Variants in ERN1 observed in about 807,000 individuals in gnomAD.
The protein encoded by ERN1 is endoplasmic reticulum to nucleus signaling 1, also known as serine/threonine-protein kinase/endoribonuclease IRE1.
In ERN1, 39 loss-of-function variants were observed where a neutral mutation model predicts 113.1. The ratio of observed to expected loss-of-function variants is 0.34; its 90% CI spans 0.27 to 0.45. The LOEUF is 0.45. Ranked by LOEUF, ERN1 falls within the 20% of genes least tolerant of loss-of-function variation. The pLI is 1.00. For missense variants in ERN1, 976 were observed against 1,274.8 expected, an observed-to-expected ratio of 0.77 and a Z score of 3.57; for synonymous variants, 507 against 515.9, an observed-to-expected ratio of 0.98 and a Z score of 0.23.
At position 64,066,924 on chromosome 17, in the gene ERN1, G is replaced by A; in HGVS notation, c.589C>T (p.His197Tyr). ...AGCCCATCACCATTGGACACAAAGT[G>A]GGACATCTCTGTACAGATCAAATAA... ...PEDDVDYKMS[H>Y]FVSNGDGLVV... Residue 197 changes from histidine to tyrosine, a missense_variant, in exon 8 of 22, where the codon CAC (histidine) becomes TAC (tyrosine). By Grantham distance (83) the His-to-Tyr change is moderately conservative. Transcript: ENST00000433197. 6.2e-7 allele frequency: 1 copy of A among 1,613,760 alleles called. No homozygotes were observed. Among genetic ancestry groups the A allele is most frequent in the Non-Finnish European group, 8.5e-7 (1 of 1,179,832 alleles).
At chr17:64,083,024 G>A (rs1042215439) in intron 2 of ERN1, among the ~76,000 whole-genome samples, 2 of 152,138 alleles carry the variant, frequency 1.3e-5, no homozygotes, top group African/African-American at 4.8e-5. Context: ...ACACACTGCT[G>A]CTTGGCTTCT....
At chr17:64,095,135 T>G (rs906817432) in intron 2 of ERN1, among the ~76,000 whole-genome samples, 1 of 152,208 alleles carries the variant, frequency 6.6e-6, no homozygotes, top group Admixed American at 6.5e-5. Context: ...CAGATCATCA[T>G]GAATACTACT....
intron 1 of ERN1, among the ~76,000 whole-genome samples, chr17:64,123,482 C>G (rs1487419411): frequency 6.6e-6 from 1 of 152,168 alleles, no homozygotes; most frequent in East Asian, 1.9e-4. Flanking sequence ...CTATTTTCAT[C>G]CAACTTTTAA....
At chr17:64,079,531 C>A (rs1913701229) in intron 4 of ERN1, 131 bp downstream of exon 4, 1 of 661,478 alleles carries the variant, frequency 1.5e-6, no homozygotes, top group East Asian at 2.7e-5. Flanking sequence ...CTCTAGACCA[C>A]CTGAATCAGA....
chr17:64,053,064 C>T, intron 16 of ERN1, 85 bp from the exon 17 acceptor site: 3 of 1,148,524 alleles, frequency 2.6e-6, no homozygotes, highest in Non-Finnish European at 3.7e-6. Flanking sequence ...TCGTCAGACT[C>T]CCAATATGCC....
rs546366953 is a variant in ERN1, at chr17:64,055,764, G to A, written c.1583C>T (p.Thr528Met). ...SESSGTSSPS[T>M]SPRASNHSLC... ...CGAGTGGTTGGAGGCCCTGGGGGAC[G>A]TGCTGGGGCTGCTGGTGCCCGAGCT... The change falls in exon 13 of 22, where the codon ACG becomes ATG. Residue 528 changes from threonine to methionine, a missense_variant. This residue lies in a region of ERN1 where 112 missense variants were observed against 106.2 expected (regional missense o/e 1.05). Transcript: ENST00000433197. 350 of 1,609,358 alleles carry A rather than the reference G, an allele frequency of 2.2e-4. 1 individual carries two copies. The highest frequency in any genetic ancestry group is 2.0e-3 in the Middle Eastern group (12 of 6,042).
chr17:64,098,572 T>A (rs765146345), intron 1 of ERN1: 4 of 560,824 alleles, frequency 7.1e-6, no homozygotes, highest in Non-Finnish European at 1.4e-5. Context: ...GCCTATTCTA[T>A]TCTCTAAAAC....
At chr17:64,105,293 A>G (rs1914494442) in intron 1 of ERN1, among the ~76,000 whole-genome samples, 1 of 151,874 alleles carries the variant, frequency 6.6e-6, no homozygotes, top group Admixed American at 6.6e-5. Context: ...TTTTTTGTAG[A>G]GTCGGGAGTT....
intron 2 of ERN1, among the ~76,000 whole-genome samples, chr17:64,083,135 C>T (rs927779162): frequency 6.6e-6 from 1 of 151,260 alleles, no homozygotes; most frequent in African/African-American, 2.4e-5. Flanking sequence ...ATACGGGGGG[C>T]GGGGAGGACA....
chr17:64,098,073 A>T (rs570755776), intron 2 of ERN1, 48 bp downstream of exon 2: 41 of 1,606,526 alleles, frequency 2.6e-5, no homozygotes, highest in Middle Eastern at 3.3e-4. Context: ...TTTCTGTGGA[A>T]CCAGTTAAGC....
At chr17:64,120,304 A>T (rs1486734980) in intron 1 of ERN1, among the ~76,000 whole-genome samples, 1 of 152,102 alleles carries the variant, frequency 6.6e-6, no homozygotes, top group Non-Finnish European at 1.5e-5. Context: ...GAGAAGAGAG[A>T]TCTGATTTAC....
At chr17:64,098,034 A>G (rs1281881030) in intron 2 of ERN1, 87 bp downstream of exon 2, 1 of 1,473,974 alleles carries the variant, frequency 6.8e-7, no homozygotes, top group Non-Finnish European at 9.4e-7. Flanking sequence ...TTAGATAATG[A>G]GTAATGTTTT....
chr17:64,085,643 C>T (rs1025842808), intron 2 of ERN1, among the ~76,000 whole-genome samples: 1 of 152,196 alleles, frequency 6.6e-6, no homozygotes, highest in African/African-American at 2.4e-5. Flanking sequence ...TTGTTGATCA[C>T]TTTTAATAAT....
intron 1 of ERN1, chr17:64,128,699 T>G (rs912210761): frequency 8.5e-5 from 13 of 152,174 alleles, no homozygotes; most frequent in African/African-American, 3.1e-4. Context: ...AACCTGACCT[T>G]AGTTGTAAAA....
Position 64,072,044 on chromosome 17 carries a change from A to G in ERN1, c.415T>C (p.Leu139=), listed in dbSNP as rs1408436002. ...DLLTGEKQQT[L]SSAFADSLCP... is the part of the protein sequence containing the mutation. ...AGACTATCTGCAAAGGCCGATGACAAAGTCTGCTGCTTCTCTCCGGTCAGG... is the reference window on the plus strand; with the variant it reads ...AGACTATCTGCAAAGGCCGATGACAGAGTCTGCTGCTTCTCTCCGGTCAGG... The change falls in exon 6 of 22, where the codon TTG becomes CTG. Residue 139 remains leucine (L), a synonymous_variant. Transcript: ENST00000433197. 3.1e-6 allele frequency: 5 copies of G among 1,608,920 alleles called. No individual in the cohort carries two copies. The highest frequency in any genetic ancestry group is 4.2e-6 in the Non-Finnish European group (5 of 1,177,586).
In ERN1 at chr17:64,043,806, G is replaced by A. The variant is rs1442041013; in HGVS notation, c.*182C>T. 3 of 492,986 alleles carry A rather than the reference G, an allele frequency of 6.1e-6. No individual in the cohort carries two copies. Among genetic ancestry groups the A allele is most frequent in the Non-Finnish European group, 1.1e-5 (3 of 278,936 alleles). The allele number at this position is 492,986 out of a possible 1,614,324, so 30.5% of individuals were successfully genotyped here. On this transcript the variant is annotated 3_prime_UTR_variant, in exon 22 of 22. Transcript: ENST00000433197. ...TTCCCAGTTCCCTGTAGGTCACGAG[G>A]GGCCACTTCTCCCACTTCCTGGGGT...
intron 7 of ERN1, 75 bp from the exon 8 acceptor site, chr17:64,067,007 G>T: frequency 6.6e-7 from 1 of 1,505,606 alleles, no homozygotes; most frequent in Non-Finnish European, 9.1e-7. Context: ...CTTGTGGCAG[G>T]CTCTAGTCAC....
intron 1 of ERN1, among the ~76,000 whole-genome samples, chr17:64,098,745 T>G (rs143654087): frequency 6.6e-6 from 1 of 151,954 alleles, no homozygotes; most frequent in East Asian, 1.9e-4. Context: ...AACACTAAGA[T>G]TCCAGTAAAG....
At chr17:64,092,662 C>T (rs536152947) in intron 2 of ERN1, among the ~76,000 whole-genome samples, 11 of 152,228 alleles carry the variant, frequency 7.2e-5, no homozygotes, top group African/African-American at 2.6e-4. Context: ...GGAAAGGAGA[C>T]AGAAAAGAAT....
Sources: allele counts gnomAD v4.1 joint callset (sites outside exome capture counted in the v4.1 genomes callset), GRCh38; gene constraint gnomAD v4.1.1; regional missense constraint gnomAD v4.1.1; transcripts MANE v1.5; gene names NCBI Gene and HGNC (gene_info 2026-07-23, HGNC 2026-07-21).